Variants in OSBP2 observed in about 807,000 individuals in gnomAD.
OSBP2 encodes the protein oxysterol-binding protein 2.
A neutral mutation model predicts 96.0 loss-of-function variants in OSBP2; 66 were observed. That is an observed-to-expected ratio of 0.69 (90% CI 0.56 to 0.84). The LOEUF (loss-of-function observed/expected upper bound fraction) is 0.84, where lower values mean the gene tolerates loss of function less well. Ranked by LOEUF, OSBP2 falls within the 40% of genes least tolerant of loss-of-function variation. The pLI is 0.00. For missense variants in OSBP2, 1,038 were observed against 1,222.7 expected (o/e 0.85, Z 2.25); for synonymous variants, 525 against 520.9 (o/e 1.01, Z -0.11).
intron 2 of OSBP2, among the ~76,000 whole-genome samples, chr22:30,800,688 A>G (rs913644583): frequency 6.6e-6 from 1 of 152,216 alleles, no homozygotes; most frequent in African/African-American, 2.4e-5. Flanking sequence ...AACCTGGGGC[A>G]GTAGTGTCTT....
chr22:30,812,893 G>A (rs528374789), intron 2 of OSBP2, among the ~76,000 whole-genome samples: 4 of 152,032 alleles, frequency 2.6e-5, no homozygotes, highest in South Asian at 2.1e-4. Flanking sequence ...TTTACCCATC[G>A]TGTGTATTTT....
chr22:30,743,448 C>T (rs556189041), intron 2 of OSBP2, among the ~76,000 whole-genome samples: 3 of 152,238 alleles, frequency 2.0e-5, no homozygotes, highest in South Asian at 2.1e-4. Flanking sequence ...AGCTTGACGG[C>T]GGTCCCCCGG....
At chr22:30,855,300 C>A (rs2039058569) in intron 2 of OSBP2, among the ~76,000 whole-genome samples, 1 of 152,162 alleles carries the variant, frequency 6.6e-6, no homozygotes, top group Non-Finnish European at 1.5e-5. Context: ...GGCTTACATG[C>A]CCTACTGCCC....
intron 12 of OSBP2, chr22:30,902,141 A>AC (rs1220333311): frequency 1.0e-5 from 3 of 287,046 alleles, no homozygotes; most frequent in African/African-American, 1.3e-4. Context: ...AAAAAAAACC[A>AC]AAAAAAAAAA....
chr22:30,786,147 G>T (rs28672875), intron 2 of OSBP2, among the ~76,000 whole-genome samples: 16,983 of 151,836 alleles, frequency 0.11, 1,090 homozygotes, highest in East Asian at 0.21. Context: ...TCTCAACCTC[G>T]AGTAGCTGGG....
At chr22:30,769,451 C>G (rs1005490943) in intron 2 of OSBP2, among the ~76,000 whole-genome samples, 2 of 152,142 alleles carry the variant, frequency 1.3e-5, no homozygotes, top group Non-Finnish European at 2.9e-5. Context: ...GAGTTTGAGA[C>G]CAGCCTGGCC....
At position 30,856,373 on chromosome 22, in the gene OSBP2, CTTTT is replaced by C. The variant is rs56875088; in HGVS notation, c.854-14029_854-14026del. On this transcript the variant is annotated intron_variant, in intron 2 of 13. Transcript: ENST00000332585. ...CTTGGCAGTTGGAAACAGAGCCCTT[CTTTT>C]TTTTTTTTTTTTTTTTTTTTTTTTT... Among the ~76,000 whole-genome samples the C allele has an allele frequency of 7.1e-3, 725 of 101,428 alleles. 5 individuals are homozygous for C. Among genetic ancestry groups the C allele is most frequent in the African/African-American group, 0.022 (612 of 27,896 alleles). 66.5% of individuals were successfully genotyped at this position (101,428 alleles called of 152,430 possible).
rs1341195840 is a variant in OSBP2, at chr22:30,869,602, A to T, written c.854-827A>T. 2.6e-5 allele frequency among the ~76,000 whole-genome samples: 4 copies of T among 152,182 alleles called. No individual in the cohort carries two copies. In the East Asian group the frequency reaches 7.7e-4, roughly 29 times the overall value. Reference sequence around the variant, plus strand: ...CATGCTGGAGTGCAGTGGCACGATCATGGCTCACTACAGCCTTCACCTCCC... The same window carrying T: ...CATGCTGGAGTGCAGTGGCACGATCTTGGCTCACTACAGCCTTCACCTCCC... On this transcript the variant is annotated intron_variant, in intron 2 of 13. Coordinates refer to ENST00000332585, the MANE Select transcript of OSBP2 (RefSeq NM_030758.4).
intron 2 of OSBP2, among the ~76,000 whole-genome samples, chr22:30,868,222 C>T (rs1021811065): frequency 6.6e-6 from 1 of 152,262 alleles, no homozygotes; most frequent in Non-Finnish European, 1.5e-5. Flanking sequence ...GGCTTGTGAG[C>T]AGACAGAGCT....
chr22:30,844,014 A>C (rs2038815455), intron 2 of OSBP2, among the ~76,000 whole-genome samples: 1 of 151,934 alleles, frequency 6.6e-6, no homozygotes, highest in African/African-American at 2.4e-5. Flanking sequence ...AGCTGGGACC[A>C]CAGGTGTACA....
chr22:30,848,151 TTAAA>T (rs1178743463), intron 2 of OSBP2, among the ~76,000 whole-genome samples: 2 of 152,170 alleles, frequency 1.3e-5, no homozygotes, highest in African/African-American at 2.4e-5. Flanking sequence ...GTTTCATAGT[TTAAA>T]TAACCAGTCT....
At chr22:30,729,958 T>G (rs13054578) in intron 1 of OSBP2, among the ~76,000 whole-genome samples, 1 of 151,902 alleles carries the variant, frequency 6.6e-6, no homozygotes, top group Non-Finnish European at 1.5e-5. Flanking sequence ...GGTTTTTTTG[T>G]TTTTTGGGGT....
chr22:30,895,476 G>A (rs111903506), intron 12 of OSBP2, among the ~76,000 whole-genome samples: 5 of 152,140 alleles, frequency 3.3e-5, no homozygotes, highest in East Asian at 1.9e-4. Flanking sequence ...TTTAGTCAAG[G>A]ATAAAGAATT....
At chr22:30,768,879 T>C (rs1025614251) in intron 2 of OSBP2, among the ~76,000 whole-genome samples, 1 of 152,206 alleles carries the variant, frequency 6.6e-6, no homozygotes, top group Non-Finnish European at 1.5e-5. Flanking sequence ...CGTGGATCTG[T>C]AGGCATGAGC....
Position 30,870,743 on chromosome 22 carries a change from C to T in OSBP2, c.1107+61C>T, listed in dbSNP as rs1269559184. On this transcript the variant is annotated intron_variant, in intron 3 of 13. Coordinates refer to ENST00000332585, the MANE Select transcript of OSBP2 (RefSeq NM_030758.4). The surrounding 1 kb of genome is among the most constrained non-coding windows in gnomAD (Gnocchi z 4.1). ...CCCTGGCTCCAGCCCCGGGGTCCCT[C>T]GGTGGGTGACCAGGGTCAGCTTGAA... 1.2e-4 allele frequency: 190 copies of T among 1,561,466 alleles called. No homozygotes were observed. Among genetic ancestry groups the T allele is most frequent in the South Asian group, 2.2e-4 (19 of 86,426 alleles).
intron 1 of OSBP2, among the ~76,000 whole-genome samples, chr22:30,738,723 G>A (rs959842948): frequency 1.3e-5 from 2 of 151,940 alleles, no homozygotes; most frequent in Non-Finnish European, 2.9e-5. Context: ...ACCGTGCCCG[G>A]CTAATTTTTG....
chr22:30,898,087 C>G (rs1204208691), intron 12 of OSBP2, among the ~76,000 whole-genome samples: 2 of 151,762 alleles, frequency 1.3e-5, no homozygotes, highest in Non-Finnish European at 2.9e-5. Context: ...AGAGAAAGTT[C>G]AACATAGAAA....
chr22:30,866,721 C>T (rs544880428), intron 2 of OSBP2, among the ~76,000 whole-genome samples: 47 of 150,292 alleles, frequency 3.1e-4, no homozygotes, highest in Middle Eastern at 3.4e-3. Flanking sequence ...TGGGCGACAG[C>T]GCGAGACTCT....
At chr22:30,868,261 T>C (rs1431955630) in intron 2 of OSBP2, among the ~76,000 whole-genome samples, 1 of 152,216 alleles carries the variant, frequency 6.6e-6, no homozygotes, top group East Asian at 1.9e-4. Flanking sequence ...TGCCCCTCAA[T>C]AGCTGGGCAC....
Sources: allele counts gnomAD v4.1 joint callset (sites outside exome capture counted in the v4.1 genomes callset), GRCh38; gene constraint gnomAD v4.1.1; non-coding constraint Gnocchi (gnomAD v3.1); transcripts MANE v1.5; gene names NCBI Gene and HGNC (gene_info 2026-07-23, HGNC 2026-07-21).